SYCE2: variants seen among roughly 807,000 people sequenced by gnomAD.
The protein encoded by SYCE2 is synaptonemal complex central element protein 2.
SYCE2 carries 3 observed loss-of-function variants against 27.9 expected under a neutral mutation model. The ratio of observed to expected loss-of-function variants is 0.11; its 90% CI spans 0.05 to 0.28. The LOEUF (loss-of-function observed/expected upper bound fraction) is 0.28, where lower values mean the gene tolerates loss of function less well. Among genes scored for constraint, SYCE2 ranks in the 10% least tolerant of loss-of-function variants. SYCE2 has a pLI of 1.00. For synonymous variants in SYCE2, 85 were observed against 100.7 expected (o/e 0.84, Z 0.93); for missense variants, 207 against 263.5 (o/e 0.79, Z 1.48).
intron 3 of SYCE2, among the ~76,000 whole-genome samples, chr19:12,903,060 GAAAA>G (rs968949283): frequency 4.5e-5 from 6 of 133,706 alleles, no homozygotes; most frequent in Non-Finnish European, 9.8e-5. Flanking sequence ...AAAAGAAAAA[GAAAA>G]AACCAGAAAG....
In SYCE2 at chr19:12,900,081, C is replaced by T; in HGVS notation, c.535G>A (p.Gly179Arg). The change falls in exon 5 of 6, where the codon GGA becomes AGA. Residue 179 changes from glycine to arginine, a missense_variant. Coordinates refer to ENST00000293695, the MANE Select transcript of SYCE2 (RefSeq NM_001105578.2). ...TTGCCGGGACGTGGTGGGGACTTTCCCCTAGAGTGGTCTGGCCCCCATCTG... is the reference window on the plus strand; with the variant it reads ...TTGCCGGGACGTGGTGGGGACTTTCTCCTAGAGTGGTCTGGCCCCCATCTG... The part of the protein sequence containing the change: ...RLRWGPDHSR[G>R]KSPPRPGNSQ... 6.2e-7 allele frequency: 1 copy of T among 1,613,432 alleles called. No individual in the cohort carries two copies. Among genetic ancestry groups the T allele is most frequent in the Non-Finnish European group, 8.5e-7 (1 of 1,179,882 alleles).
rs745663735 is a variant in SYCE2 at position 12,900,619 on chromosome 19, C to G, written c.336G>C (p.Glu112Asp). The change falls in exon 4 of 6, where the codon GAG (glutamate) becomes GAC (aspartate). Residue 112 changes from glutamate (E) to aspartate (D), a missense_variant. By Grantham distance (45) the Glu-to-Asp change is conservative. Coordinates refer to ENST00000293695, the MANE Select transcript of SYCE2 (RefSeq NM_001105578.2). ...KVSDLTEKLE[E>D]RIYQIYNDHN... ...GGTCATTATAAATCTGATAGATCCT[C>G]TCCTCTAATTTCTCTGTCAGATCCG... is the stretch of plus-strand genomic sequence containing the variant. 6.2e-7 allele frequency: 1 copy of G among 1,613,908 alleles called. No individual in the cohort carries two copies. The highest frequency in any genetic ancestry group is 8.5e-7 in the Non-Finnish European group (1 of 1,179,980).
chr19:12,918,327 G>T lies in SYCE2; in HGVS notation c.26C>A (p.Pro9His), dbSNP rs774402723. 5.6e-6 allele frequency: 9 copies of T among 1,614,070 alleles called. No individual in the cohort carries two copies. Among genetic ancestry groups the T allele is most frequent in the Non-Finnish European group, 7.6e-6 (9 of 1,179,976 alleles). Residue 9 changes from proline (P) to histidine (H), a missense_variant, in exon 2 of 6, where the codon CCC becomes CAC. Coordinates refer to ENST00000293695, the MANE Select transcript of SYCE2 (RefSeq NM_001105578.2). The stretch of plus-strand genomic sequence containing the variant: ...TTCCTGGTCTTTGCATTTCACATGG[G>T]GCACGTCCACCTGCAAGCACAGTCA... Reference protein sequence around the residue: MERQGVDVPHVKCKDQEPQ... With the variant: MERQGVDVHHVKCKDQEPQ...
intron 2 of SYCE2, among the ~76,000 whole-genome samples, chr19:12,917,048 C>A (rs1457127991): frequency 2.0e-5 from 3 of 151,582 alleles, no homozygotes; most frequent in African/African-American, 7.3e-5. Context: ...CTGCGCCCAG[C>A]CTCTACTATA....
intron 2 of SYCE2, among the ~76,000 whole-genome samples, chr19:12,911,426 GT>G (rs936498973): frequency 1.3e-5 from 2 of 151,904 alleles, no homozygotes; most frequent in East Asian, 1.9e-4. Context: ...GCCTTAATGG[GT>G]TTTTTTCTTT....
At chr19:12,915,806 G>A (rs187111054) in intron 2 of SYCE2, among the ~76,000 whole-genome samples, 4 of 151,902 alleles carry the variant, frequency 2.6e-5, no homozygotes, top group East Asian at 1.9e-4. Context: ...CGAATGCCAC[G>A]AGCAGGGACT....
chr19:12,900,271 G>C (rs1970808403), intron 4 of SYCE2, 151 bp from the exon 5 acceptor site: 2 of 1,116,564 alleles, frequency 1.8e-6, no homozygotes, highest in African/African-American at 3.1e-5. Context: ...CAACGGTTTG[G>C]CTTCTCAGCT....
rs200656155 is a variant in SYCE2, at chr19:12,916,413, TCCTA to T, written c.131+1805_131+1808del. 5.8e-3 allele frequency among the ~76,000 whole-genome samples: 879 copies of T among 152,114 alleles called. 2 individuals carry two copies. The highest frequency in any genetic ancestry group is 8.9e-3 in the Non-Finnish European group (607 of 67,978). ...TCTTTTGAGAACACATCAAGCTTATTCCTACCTGAGGGACTTCATACTTGCGGCC... is the reference window on the plus strand; with the variant it reads ...TCTTTTGAGAACACATCAAGCTTATTCCTGAGGGACTTCATACTTGCGGCC... On this transcript the variant is annotated intron_variant, in intron 2 of 5. Transcript: ENST00000293695.
intron 2 of SYCE2, among the ~76,000 whole-genome samples, chr19:12,910,597 T>G (rs1971026357): frequency 6.6e-6 from 1 of 151,930 alleles, no homozygotes; most frequent in Non-Finnish European, 1.5e-5. Context: ...GGTCTCAAAC[T>G]CCTGACCTCA....
chr19:12,903,145 G>A (rs1970873230), intron 3 of SYCE2, among the ~76,000 whole-genome samples: 2 of 146,746 alleles, frequency 1.4e-5, no homozygotes, highest in Admixed American at 6.8e-5. Context: ...AGGCTGGAAT[G>A]CAGTGGCGGG....
Position 12,917,659 on chromosome 19 carries a change from C to CTTTTTTTTTTTTTTT in SYCE2, c.131+548_131+562dup, listed in dbSNP as rs71168635. Among the ~76,000 whole-genome samples, 54 of 79,404 alleles carry CTTTTTTTTTTTTTTT rather than the reference C, an allele frequency of 6.8e-4. 11 individuals carry two copies. The highest frequency in any genetic ancestry group is 1.0e-3 in the South Asian group (2 of 1,938). The allele number at this position is 79,404 out of a possible 152,430, so 52.1% of individuals were successfully genotyped here. On this transcript the variant is annotated intron_variant, in intron 2 of 5. Transcript: ENST00000293695. The stretch of plus-strand genomic sequence containing the variant: ...TACAGGCATAAGCCACCATTCCTGG[C>CTTTTTTTTTTTTTTT]TTTTTTTTTTTTTTTTTGAGACAGC...
At chr19:12,905,649 TTTC>T (rs1970920942) in intron 2 of SYCE2, among the ~76,000 whole-genome samples, 1 of 145,516 alleles carries the variant, frequency 6.9e-6, no homozygotes, top group African/African-American at 2.6e-5. Context: ...TCTTTCTTAT[TTTC>T]TTTTTTTTTA....
rs185350188 is a variant in SYCE2, at chr19:12,900,836, G to C, written c.307-188C>G. 2.4e-3 allele frequency among the ~76,000 whole-genome samples: 368 copies of C among 152,246 alleles called. 2 individuals carry two copies. Among genetic ancestry groups the C allele is most frequent in the African/African-American group, 8.2e-3 (340 of 41,532 alleles). On this transcript the variant is annotated intron_variant, in intron 3 of 5. Coordinates refer to ENST00000293695, the MANE Select transcript of SYCE2 (RefSeq NM_001105578.2). ...AGGTGGGTGGATTACTTGAGGCCAG[G>C]AGTTCAAGACCAACCTGGCCAACAT...
At chr19:12,907,738 C>T (rs866872350) in intron 2 of SYCE2, among the ~76,000 whole-genome samples, 1 of 152,138 alleles carries the variant, frequency 6.6e-6, no homozygotes, top group Admixed American at 6.6e-5. Context: ...TTGCAGTGAG[C>T]TGAGATCGTG....
In SYCE2 at chr19:12,916,067, T is replaced by C. The variant is rs1427183731; in HGVS notation, c.131+2155A>G. ...CAATCACAATACTGCCATATCAGCCTTTTTTTTTTTTTTTTTCCTCGAGAC... is the reference window on the plus strand; with the variant it reads ...CAATCACAATACTGCCATATCAGCCCTTTTTTTTTTTTTTTTCCTCGAGAC... On this transcript the variant is annotated intron_variant, in intron 2 of 5. Transcript: ENST00000293695. Among the ~76,000 whole-genome samples the C allele has an allele frequency of 4.0e-5, 5 of 125,686 alleles. No homozygotes were observed. In the South Asian group the frequency reaches 1.2e-3, roughly 29 times the overall value. The allele number at this position is 125,686 out of a possible 152,430, so 82.5% of individuals were successfully genotyped here. A position where few individuals can be genotyped will look rare whatever the true frequency, so the allele number is the denominator to read the frequency against.
chr19:12,904,389 A>ACACC, intron 3 of SYCE2, 103 bp downstream of exon 3: 4 of 1,385,602 alleles, frequency 2.9e-6, no homozygotes, highest in Non-Finnish European at 4.0e-6. Flanking sequence ...GCTGTGTGTG[A>ACACC]ATGGCCTAGC....
Position 12,904,536 on chromosome 19 carries a change from C to A in SYCE2, c.262G>T (p.Asp88Tyr). 1 of 1,614,062 alleles carries A rather than the reference C, an allele frequency of 6.2e-7. No homozygotes were observed. The highest frequency in any genetic ancestry group is 1.1e-5 in the South Asian group (1 of 91,066). ...IENINKSRQK[D>Y]HALMTNFRNS... ...CTGAAGTTGGTCATGAGTGCATGGT[C>A]CTTTTGCCGGCTCTTGTTGATGTTT... Residue 88 changes from aspartate (D) to tyrosine (Y), a missense_variant, in exon 3 of 6, where the codon GAC (aspartate) becomes TAC (tyrosine). By Grantham distance (160) the Asp-to-Tyr change is radical. Coordinates refer to ENST00000293695, the MANE Select transcript of SYCE2 (RefSeq NM_001105578.2).
rs192891231 is a variant in SYCE2 at position 12,917,608 on chromosome 19, C to G, written c.131+614G>C. On this transcript the variant is annotated intron_variant, in intron 2 of 5. Coordinates refer to ENST00000293695, the MANE Select transcript of SYCE2 (RefSeq NM_001105578.2). ...CATCTCTTGACCTTTTGATCCACCC[C>G]CCTCGGCCTCCCAAAGTGCTAGGAT... Among the ~76,000 whole-genome samples the G allele has an allele frequency of 2.3e-4, 35 of 149,944 alleles. No homozygotes were observed. In the East Asian group the frequency reaches 6.5e-3, roughly 28 times the overall value.
intron 2 of SYCE2, 140 bp from the exon 3 acceptor site, chr19:12,904,806 C>T (rs1371569777): frequency 1.1e-6 from 1 of 930,626 alleles, no homozygotes; most frequent in African/African-American, 1.7e-5. Flanking sequence ...CGAGACCAGC[C>T]TGGCAACATG....
Sources: gnomAD v4.1 joint callset for allele counts (sites outside exome capture counted in the v4.1 genomes callset) on GRCh38, gnomAD v4.1.1 for gene constraint, MANE v1.5 for transcripts, NCBI Gene and HGNC (gene_info 2026-07-23, HGNC 2026-07-21) for gene names.